Variants in LUC7L observed in about 807,000 individuals in gnomAD.
LUC7L encodes putative RNA-binding protein Luc7-like 1.
In LUC7L, 29 loss-of-function variants were observed where a neutral mutation model predicts 51.1. The observed-to-expected ratio is 0.57, with a 90% confidence interval of 0.42 to 0.77. The LOEUF is 0.77. LUC7L is among the 30% of genes least tolerant of loss of function. The probability of loss-of-function intolerance (pLI) is 0.00; values close to 1 mark genes in which losing one functional copy is unlikely to be tolerated. For missense variants in LUC7L, 403 were observed against 511.9 expected (o/e 0.79, Z 2.05); for synonymous variants, 181 against 180.7 (o/e 1.00, Z -0.01).
In LUC7L at chr16:192,502, CTTTTTT is replaced by C. The variant is rs398058029; in HGVS notation, c.776+419_776+424del. Among the ~76,000 whole-genome samples, 330 of 125,616 alleles carry C rather than the reference CTTTTTT, an allele frequency of 2.6e-3. 1 individual carries two copies. Among genetic ancestry groups the C allele is most frequent in the African/African-American group, 9.2e-3 (311 of 33,880 alleles). The allele number at this position is 125,616 out of a possible 152,430, so 82.4% of individuals were successfully genotyped here. A position where few individuals can be genotyped will look rare whatever the true frequency, so the allele number is the denominator to read the frequency against. On this transcript the variant is annotated intron_variant, in intron 7 of 9. Transcript: ENST00000293872. ...TTTGTTGGACTGAATATGCTGTTTA[CTTTTTT>C]TTTTTTTTTTTTTGGTTGAGATGGA... is the stretch of plus-strand genomic sequence containing the variant.
chr16:227,322 G>C lies in LUC7L; in HGVS notation c.76C>G (p.Gln26Glu). ...CGGTCATCTGTAAACTTGACCCTCT[G>C]TCTGGTTTCGTCTCCTGAAATTCAT... ...GTARDGDETR[Q>E]RVKFTDDRVC... Residue 26 changes from glutamine to glutamate, a missense_variant, in exon 2 of 10, where the codon CAG becomes GAG. Transcript: ENST00000293872. 1 of 1,607,748 alleles carries C rather than the reference G, an allele frequency of 6.2e-7. No individual in the cohort carries two copies. Among genetic ancestry groups the C allele is most frequent in the Non-Finnish European group, 8.5e-7 (1 of 1,176,334 alleles).
Position 208,147 on chromosome 16 carries a change from C to T in LUC7L, c.297G>A (p.Arg99=), listed in dbSNP as rs565182485. ...GCCGCTTCTTGGCGAGCTCAGTTCT[C>T]CGATCACATTCAGCAATAAAGGACT... is the stretch of plus-strand genomic sequence containing the variant. ...HLESFIAECD[R]RTELAKKRLA... is the part of the protein sequence containing the mutation. Residue 99 remains arginine, a synonymous_variant, in exon 4 of 10, where the codon CGG becomes CGA. Coordinates refer to ENST00000293872, the MANE Select transcript of LUC7L (RefSeq NM_201412.3). 3.4e-5 allele frequency: 55 copies of T among 1,613,774 alleles called. No individual in the cohort carries two copies. In the South Asian group the frequency reaches 5.8e-4, roughly 17 times the overall value.
chr16:199,988 T>TA (rs35125097), intron 5 of LUC7L, among the ~76,000 whole-genome samples: 50,854 of 147,368 alleles, frequency 0.35, 10,043 homozygotes, highest in Non-Finnish European at 0.45. Context: ...GACTCCATCT[T>TA]AAAAAAAAAA....
intron 5 of LUC7L, among the ~76,000 whole-genome samples, chr16:201,242 T>TAAA (rs764945208): frequency 2.3e-4 from 18 of 78,502 alleles, no homozygotes; most frequent in South Asian, 5.6e-4. Context: ...GCTACATAAC[T>TAAA]AAAAAAAAAA....
chr16:211,409 G>C (rs2049636441), intron 3 of LUC7L, among the ~76,000 whole-genome samples: 1 of 149,908 alleles, frequency 6.7e-6, no homozygotes, highest in African/African-American at 2.5e-5. Flanking sequence ...AGTGAGCCAA[G>C]ATCACGCCAC....
intron 3 of LUC7L, among the ~76,000 whole-genome samples, chr16:214,637 C>T (rs2049736202): frequency 6.6e-6 from 1 of 152,216 alleles, no homozygotes; most frequent in Non-Finnish European, 1.5e-5. Flanking sequence ...ACTGATCCTC[C>T]AGCCTCAGCC....
At chr16:229,032 A>C in intron 1 of LUC7L, 3 of 1,429,864 alleles carry the variant, frequency 2.1e-6, no homozygotes, top group Non-Finnish European at 2.7e-6. Context: ...GACGGTACAT[A>C]GGAAGGAGGC....
intron 6 of LUC7L, among the ~76,000 whole-genome samples, chr16:196,641 C>A (rs984812110): frequency 9.9e-5 from 15 of 151,684 alleles, no homozygotes; most frequent in Non-Finnish European, 1.9e-4. Flanking sequence ...GATTCTCCTG[C>A]CTCAGCCTGC....
intron 3 of LUC7L, among the ~76,000 whole-genome samples, chr16:219,472 T>G (rs2049904550): frequency 1.3e-5 from 2 of 152,120 alleles, no homozygotes; most frequent in African/African-American, 2.4e-5. Context: ...TACTAGCTAT[T>G]TAGGAGACTG....
intron 2 of LUC7L, among the ~76,000 whole-genome samples, chr16:224,937 T>C (rs2050088354): frequency 6.6e-6 from 1 of 152,206 alleles, no homozygotes; most frequent in Admixed American, 6.6e-5. Flanking sequence ...TTGGGTTCTA[T>C]GATTACCCTC....
chr16:196,906 CTTT>C (rs34164641), intron 6 of LUC7L, among the ~76,000 whole-genome samples: 3 of 122,796 alleles, frequency 2.4e-5, no homozygotes, highest in African/African-American at 3.2e-5. Flanking sequence ...ACTTTTACAT[CTTT>C]TTTTTTTTTT....
intron 3 of LUC7L, among the ~76,000 whole-genome samples, chr16:215,165 C>A (rs540259146): frequency 1.3e-5 from 2 of 152,098 alleles, no homozygotes; most frequent in African/African-American, 4.8e-5. Flanking sequence ...ACATTCCCAA[C>A]AGTGGAATTC....
intron 5 of LUC7L, 77 bp downstream of exon 5, chr16:205,927 G>T: frequency 6.6e-7 from 1 of 1,506,206 alleles, no homozygotes; most frequent in South Asian, 1.2e-5. Context: ...GAGCAAGCAT[G>T]GGCTCAATTA....
intron 6 of LUC7L, among the ~76,000 whole-genome samples, chr16:193,816 T>TG (rs1052476819): frequency 2.0e-5 from 3 of 150,996 alleles, no homozygotes; most frequent in African/African-American, 7.3e-5. Context: ...CTTTTTTTTT[T>TG]TTTTTGAGAC....
intron 5 of LUC7L, among the ~76,000 whole-genome samples, chr16:200,162 C>CGGTGG (rs1159302820): frequency 1.3e-5 from 2 of 152,118 alleles, no homozygotes; most frequent in Non-Finnish European, 2.9e-5. Context: ...GTGGCTCACG[C>CGGTGG]CTGTAATCCC....
At chr16:197,266 T>C (rs937417975) in intron 6 of LUC7L, among the ~76,000 whole-genome samples, 6 of 138,470 alleles carry the variant, frequency 4.3e-5, no homozygotes, top group Non-Finnish European at 7.6e-5. Context: ...TAGGCTGGAG[T>C]GCAGTGGCAC....
At chr16:229,152 CG>C in intron 1 of LUC7L, 126 bp downstream of exon 1, 2 of 1,427,620 alleles carry the variant, frequency 1.4e-6, no homozygotes, top group Non-Finnish European at 1.8e-6. Context: ...GGTCGGAGCG[CG>C]GGGGAGGAGG....
chr16:205,871 G>A (rs962693851), intron 5 of LUC7L, 133 bp downstream of exon 5: 10 of 1,021,190 alleles, frequency 9.8e-6, no homozygotes, highest in South Asian at 3.2e-5. Context: ...TGACAGGCGT[G>A]AGCCACTGTG....
At chr16:204,959 C>T (rs1171825024) in intron 5 of LUC7L, among the ~76,000 whole-genome samples, 1 of 152,128 alleles carries the variant, frequency 6.6e-6, no homozygotes, top group African/African-American at 2.4e-5. Context: ...GTGAACTGCT[C>T]CTTCGGAGAT....
Sources: allele counts gnomAD v4.1 joint callset (sites outside exome capture counted in the v4.1 genomes callset), GRCh38; gene constraint gnomAD v4.1.1; transcripts MANE v1.5; gene names NCBI Gene and HGNC (gene_info 2026-07-23, HGNC 2026-07-21).